The following CTNNA3 variants were observed in gnomAD, a reference collection of about 807,000 sequenced individuals.
CTNNA3 encodes catenin alpha 3, also known as catenin alpha-3.
CTNNA3 carries 76 observed loss-of-function variants against 95.7 expected under a neutral mutation model. The observed-to-expected ratio is 0.79, with a 90% confidence interval of 0.66 to 0.96. The LOEUF (loss-of-function observed/expected upper bound fraction) is 0.96. Among genes scored for constraint, CTNNA3 ranks in the 40% least tolerant of loss-of-function variants. The pLI is 0.00. For synonymous variants in CTNNA3, 431 were observed against 374.4 expected (o/e 1.15, Z -1.74); for missense variants, 1,191 against 1,089.8 (o/e 1.09, Z -1.31).
intron 5 of CTNNA3, among the ~76,000 whole-genome samples, chr10:67,280,051 C>T (rs1009895247): frequency 1.3e-5 from 2 of 150,236 alleles, no homozygotes; most frequent in Admixed American, 6.6e-5. Context: ...GAGAACAATA[C>T]CCCAAAGTAT....
At chr10:67,474,786 G>A (rs1403889352) in intron 5 of CTNNA3, among the ~76,000 whole-genome samples, 1 of 152,182 alleles carries the variant, frequency 6.6e-6, no homozygotes, top group East Asian at 1.9e-4. Context: ...AAATGCCTGT[G>A]AGGATACAGA....
At chr10:67,479,393 C>T (rs1848135730) in intron 5 of CTNNA3, among the ~76,000 whole-genome samples, 1 of 152,002 alleles carries the variant, frequency 6.6e-6, no homozygotes, top group African/African-American at 2.4e-5. Context: ...GAAAATCATA[C>T]CAACCATACT....
chr10:67,592,041 T>G (rs1192874278), intron 3 of CTNNA3, among the ~76,000 whole-genome samples: 1 of 152,096 alleles, frequency 6.6e-6, no homozygotes, highest in Admixed American at 6.6e-5. Context: ...CTTTCATCCC[T>G]ATCTTACCCC....
chr10:65,954,048 T>A (rs1196742868), intron 17 of CTNNA3, among the ~76,000 whole-genome samples: 1 of 152,178 alleles, frequency 6.6e-6, no homozygotes, highest in Non-Finnish European at 1.5e-5. Flanking sequence ...CCAGCACCTG[T>A]TGTTTCCTGA....
chr10:66,247,945 AGAATATTATAACACT>A (rs1354243579), intron 13 of CTNNA3, among the ~76,000 whole-genome samples: 1 of 152,230 alleles, frequency 6.6e-6, no homozygotes, highest in Non-Finnish European at 1.5e-5. Context: ...AGAAAAACAC[AGAATATTATAACACT>A]GTAATTTGAG....
At chr10:66,272,789 A>G (rs1331704162) in intron 13 of CTNNA3, among the ~76,000 whole-genome samples, 1 of 152,148 alleles carries the variant, frequency 6.6e-6, no homozygotes, top group Non-Finnish European at 1.5e-5. Flanking sequence ...CTTCAGACAC[A>G]ATTAATACTA....
At chr10:66,868,548 C>T (rs1255554489) in intron 7 of CTNNA3, among the ~76,000 whole-genome samples, 1 of 151,326 alleles carries the variant, frequency 6.6e-6, no homozygotes, top group Non-Finnish European at 1.5e-5. Context: ...AGGTTGAGTT[C>T]GAGACCAGCA....
chr10:67,727,783 TA>T (rs1841247795), intron 1 of CTNNA3, among the ~76,000 whole-genome samples: 1 of 121,818 alleles, frequency 8.2e-6, no homozygotes, highest in South Asian at 2.4e-4. Context: ...ATATAATATG[TA>T]AAATACATAT....
rs1286914912 is a variant in CTNNA3 at position 67,008,764 on chromosome 10, T to C, written c.1047+171553A>G. ...TCAGGCATATTCACAAGTGGTAGCC[T>C]CAGGATTCAAAACAGCAAAATAAGA... On this transcript the variant is annotated intron_variant, in intron 7 of 17. Transcript: ENST00000433211. Among the ~76,000 whole-genome samples the C allele has an allele frequency of 9.2e-5, 14 of 152,274 alleles. No individual in the cohort carries two copies. In the East Asian group the frequency reaches 2.7e-3, roughly 29 times the overall value.
At chr10:66,651,972 T>A (rs1845923224) in intron 9 of CTNNA3, among the ~76,000 whole-genome samples, 1 of 149,160 alleles carries the variant, frequency 6.7e-6, no homozygotes, top group Admixed American at 6.7e-5. Flanking sequence ...GAGCAAGGGC[T>A]GCTAGCACGT....
intron 5 of CTNNA3, among the ~76,000 whole-genome samples, chr10:67,351,052 A>G (rs1287650379): frequency 6.6e-6 from 1 of 151,856 alleles, no homozygotes. Flanking sequence ...AGATAAATAA[A>G]CTATTGATAC....
chr10:66,788,709 G>T (rs1284250059), intron 7 of CTNNA3, among the ~76,000 whole-genome samples: 1 of 151,850 alleles, frequency 6.6e-6, no homozygotes, highest in East Asian at 1.9e-4. Context: ...TATGCAGCAA[G>T]AACATTACAG....
chr10:65,944,850 A>ATCTG (rs775828182), intron 17 of CTNNA3, among the ~76,000 whole-genome samples: 118 of 129,038 alleles, frequency 9.1e-4, no homozygotes, highest in African/African-American at 2.9e-3. Flanking sequence ...ACAAGAAAAT[A>ATCTG]TCTGTCTATC....
intron 11 of CTNNA3, among the ~76,000 whole-genome samples, chr10:66,494,791 C>T (rs146237405): frequency 2.6e-5 from 4 of 152,332 alleles, no homozygotes; most frequent in African/African-American, 2.4e-5. Context: ...GCCACAGTCA[C>T]TCTGTTATGC....
chr10:66,295,884 TA>T (rs1272534384), intron 12 of CTNNA3, among the ~76,000 whole-genome samples: 1 of 152,166 alleles, frequency 6.6e-6, no homozygotes, highest in African/African-American at 2.4e-5. Context: ...GGTGTATTTG[TA>T]TTAACATTAA....
At chr10:66,008,397 G>A (rs1321688114) in intron 15 of CTNNA3, among the ~76,000 whole-genome samples, 1 of 152,212 alleles carries the variant, frequency 6.6e-6, no homozygotes, top group African/African-American at 2.4e-5. Flanking sequence ...CATTAAGACT[G>A]TGCCTGTTCC....
intron 5 of CTNNA3, among the ~76,000 whole-genome samples, chr10:67,281,748 T>C (rs1014582469): frequency 3.3e-5 from 5 of 152,206 alleles, no homozygotes; most frequent in African/African-American, 1.2e-4. Flanking sequence ...TCATGAATAA[T>C]TGATATGTAA....
chr10:66,684,075 A>G (rs1419603887), intron 9 of CTNNA3, among the ~76,000 whole-genome samples: 1 of 152,162 alleles, frequency 6.6e-6, no homozygotes, highest in Non-Finnish European at 1.5e-5. Flanking sequence ...TATCTAATTT[A>G]CAATAAGTTG....
intron 11 of CTNNA3, among the ~76,000 whole-genome samples, chr10:66,433,336 C>T (rs1431615089): frequency 3.9e-5 from 6 of 152,154 alleles, no homozygotes; most frequent in Non-Finnish European, 8.8e-5. Flanking sequence ...TTAATGATTG[C>T]CATTCTAACT....
Sources: allele counts gnomAD v4.1 joint callset (sites outside exome capture counted in the v4.1 genomes callset), GRCh38; gene constraint gnomAD v4.1.1; transcripts MANE v1.5; gene names NCBI Gene and HGNC (gene_info 2026-07-23, HGNC 2026-07-21).